Variants in CCDC85C observed in about 807,000 individuals in gnomAD.
The protein encoded by CCDC85C is coiled-coil domain containing 85C.
CCDC85C carries 18 observed loss-of-function variants against 38.3 expected under a neutral mutation model. The observed-to-expected ratio is 0.47, with a 90% confidence interval of 0.33 to 0.70. The LOEUF is 0.70. Among genes scored for constraint, CCDC85C ranks in the 30% least tolerant of loss-of-function variants. The probability of loss-of-function intolerance (pLI) is 0.03; values close to 1 mark genes in which losing one functional copy is unlikely to be tolerated. For missense variants in CCDC85C, 566 were observed against 621.2 expected, an observed-to-expected ratio of 0.91 and a Z score of 0.94; for synonymous variants, 264 against 293.8, an observed-to-expected ratio of 0.90 and a Z score of 1.04.
chr14:99,515,419 G>C (rs1005363534), intron 5 of CCDC85C, 84 bp from the exon 6 acceptor site: 1 of 994,696 alleles, frequency 1.0e-6, no homozygotes, highest in Non-Finnish European at 1.5e-6. Context: ...CATCACGGCA[G>C]AATCACCCAC....
intron 1 of CCDC85C, among the ~76,000 whole-genome samples, chr14:99,562,918 CTG>C (rs1193685471): frequency 6.6e-6 from 1 of 152,166 alleles, no homozygotes. Context: ...CACACTCACT[CTG>C]TCTCTCCAGG....
rs2055246047 is a variant in CCDC85C at position 99,604,078 on chromosome 14, G to C, written c.-119C>G. 1 of 942,768 alleles carries C rather than the reference G, an allele frequency of 1.1e-6. No homozygotes were observed. The highest frequency in any genetic ancestry group is 1.3e-6 in the Non-Finnish European group (1 of 796,572). 58.4% of individuals were successfully genotyped at this position (942,768 alleles called of 1,614,324 possible). On this transcript the variant is annotated 5_prime_UTR_variant, in exon 1 of 6. Transcript: ENST00000380243. ...GGGCGGCCGGGGGCGCGTGCGGCCC[G>C]CCCCGCGCCGCCTGGCGCGTCCTCT...
chr14:99,600,955 G>T (rs929755094), intron 1 of CCDC85C, among the ~76,000 whole-genome samples: 1 of 152,190 alleles, frequency 6.6e-6, no homozygotes, highest in Non-Finnish European at 1.5e-5. Context: ...AGCCTGGGAG[G>T]TTGAGGCTGT....
At chr14:99,547,494 C>T (rs1049247460) in intron 1 of CCDC85C, among the ~76,000 whole-genome samples, 4 of 152,170 alleles carry the variant, frequency 2.6e-5, no homozygotes, top group Admixed American at 1.3e-4. Flanking sequence ...ACTGGATTGG[C>T]TGGGCACAGT....
At chr14:99,568,272 A>C (rs1235174721) in intron 1 of CCDC85C, among the ~76,000 whole-genome samples, 1 of 26,282 alleles carries the variant, frequency 3.8e-5, no homozygotes, top group Non-Finnish European at 6.7e-5. Flanking sequence ...TTTTTTTTTG[A>C]GACAAAGTCT....
intron 1 of CCDC85C, among the ~76,000 whole-genome samples, chr14:99,602,180 C>T (rs1468990562): frequency 1.3e-5 from 2 of 152,202 alleles, no homozygotes; most frequent in Non-Finnish European, 1.5e-5. Flanking sequence ...AGGGAGGCCC[C>T]GGATCCACCA....
rs1458290911 is a variant in CCDC85C, at chr14:99,603,592, G to A, written c.368C>T (p.Ser123Leu). 9.8e-6 allele frequency: 14 copies of A among 1,429,080 alleles called. No individual in the cohort carries two copies. The highest frequency in any genetic ancestry group is 3.0e-5 in the African/African-American group (2 of 66,580). The allele number at this position is 1,429,080 out of a possible 1,614,324, so 88.5% of individuals were successfully genotyped here. A position where few individuals can be genotyped will look rare whatever the true frequency, so the allele number is the denominator to read the frequency against. Reference sequence around the variant, plus strand: ...CTCGAGCTCGCGCAGCTTCTGCTGCGAGCGGGCCACCTCGTGCCACACGGC... The same window carrying A: ...CTCGAGCTCGCGCAGCTTCTGCTGCAAGCGGGCCACCTCGTGCCACACGGC... Reference protein sequence around the residue: ...AGAVWHEVARSQQKLRELEAR... With the variant: ...AGAVWHEVARLQQKLRELEAR... The change falls in exon 1 of 6, where the codon TCG (serine) becomes TTG (leucine). Residue 123 changes from serine (S) to leucine (L), a missense_variant. Ser to Leu is a moderately radical substitution (Grantham distance 145). Around this residue, in one of 3 missense-constraint regions of CCDC85C, gnomAD observed 269 missense variants for 308.2 expected, o/e 0.87. Transcript: ENST00000380243. This position sits in a 1 kb window ranked among gnomAD's most constrained non-coding sequence, Gnocchi z 7.5.
intron 3 of CCDC85C, among the ~76,000 whole-genome samples, chr14:99,521,762 G>A (rs1322732069): frequency 6.6e-6 from 1 of 152,214 alleles, no homozygotes; most frequent in Non-Finnish European, 1.5e-5. Context: ...GATACCCCTG[G>A]AGGCATCAGG....
intron 1 of CCDC85C, among the ~76,000 whole-genome samples, chr14:99,592,016 G>A (rs570552789): frequency 2.6e-5 from 4 of 152,144 alleles, no homozygotes; most frequent in Non-Finnish European, 5.9e-5. Context: ...TGACAGGCGC[G>A]AGCCACCACA....
At chr14:99,585,580 C>T (rs2055017148) in intron 1 of CCDC85C, among the ~76,000 whole-genome samples, 1 of 152,246 alleles carries the variant, frequency 6.6e-6, no homozygotes, top group South Asian at 2.1e-4. Context: ...ATTATTCCTA[C>T]TATTATTGTC....
In CCDC85C at chr14:99,501,271, C is replaced by G; in HGVS notation, c.*13975G>C. On this transcript the variant is annotated 3_prime_UTR_variant, in exon 6 of 6. Coordinates refer to ENST00000380243, the MANE Select transcript of CCDC85C (RefSeq NM_001144995.2). ...TGCTGTGTATTTGAGTGGTGCTGAA[C>G]ACGTGGTAGGTTTTTAATAAATACT... 1 of 863,974 alleles carries G rather than the reference C, an allele frequency of 1.2e-6. No individual in the cohort carries two copies. The highest frequency in any genetic ancestry group is 1.4e-5 in the South Asian group (1 of 73,668). 53.5% of individuals were successfully genotyped at this position (863,974 alleles called of 1,614,324 possible). A position where few individuals can be genotyped will look rare whatever the true frequency, so the allele number is the denominator to read the frequency against.
At chr14:99,515,427 C>T in intron 5 of CCDC85C, 92 bp from the exon 6 acceptor site, 9 of 916,968 alleles carry the variant, frequency 9.8e-6, no homozygotes, top group Non-Finnish European at 1.2e-5. Flanking sequence ...CAGAATCACC[C>T]ACGTCCTCAG....
chr14:99,562,001 A>G (rs1216170704), intron 1 of CCDC85C, among the ~76,000 whole-genome samples: 2 of 152,156 alleles, frequency 1.3e-5, no homozygotes, highest in East Asian at 1.9e-4. Context: ...ACCTCAGTGC[A>G]GAGCCACTGA....
chr14:99,526,300 A>G (rs1352001054), intron 2 of CCDC85C, among the ~76,000 whole-genome samples: 1 of 152,210 alleles, frequency 6.6e-6, no homozygotes, highest in Non-Finnish European at 1.5e-5. Flanking sequence ...AAAAAGCCAC[A>G]TGAGCCCAGG....
chr14:99,530,352 T>C (rs866839941), intron 2 of CCDC85C, among the ~76,000 whole-genome samples: 7 of 151,754 alleles, frequency 4.6e-5, no homozygotes, highest in African/African-American at 1.7e-4. Context: ...ATGACAGAGG[T>C]GATACGGTAT....
At chr14:99,566,718 C>A (rs912935162) in intron 1 of CCDC85C, among the ~76,000 whole-genome samples, 1 of 152,216 alleles carries the variant, frequency 6.6e-6, no homozygotes, top group Non-Finnish European at 1.5e-5. Context: ...CTCTGCCCCA[C>A]GTCCACTGGC....
rs1896872111 is a variant in CCDC85C at position 99,502,923 on chromosome 14, C to G, written c.*12323G>C. On this transcript the variant is annotated 3_prime_UTR_variant, in exon 6 of 6. Transcript: ENST00000380243. The stretch of plus-strand genomic sequence containing the variant: ...CAACCAGCCCAGCAGCAGCAGCCAG[C>G]CCAACAGCCCAAGAAACCCTCTCCG... 6.2e-7 allele frequency: 1 copy of G among 1,613,702 alleles called. No individual in the cohort carries two copies. The highest frequency in any genetic ancestry group is 1.3e-5 in the African/African-American group (1 of 74,882).
intron 2 of CCDC85C, among the ~76,000 whole-genome samples, chr14:99,530,566 G>A (rs1348598674): frequency 1.3e-5 from 2 of 152,206 alleles, no homozygotes; most frequent in African/African-American, 4.8e-5. Flanking sequence ...GCAGCAGATC[G>A]ATCCCCTCTT....
chr14:99,565,744 G>A (rs1336260135), intron 1 of CCDC85C, among the ~76,000 whole-genome samples: 3 of 152,174 alleles, frequency 2.0e-5, no homozygotes, highest in African/African-American at 7.2e-5. Context: ...TGGCTGTTGG[G>A]TTCATGGAAG....
Sources: allele counts gnomAD v4.1 joint callset (sites outside exome capture counted in the v4.1 genomes callset), GRCh38; gene constraint gnomAD v4.1.1; regional missense constraint gnomAD v4.1.1; non-coding constraint Gnocchi (gnomAD v3.1); transcripts MANE v1.5; gene names NCBI Gene and HGNC (gene_info 2026-07-23, HGNC 2026-07-21).